CCDC124: variants seen among roughly 807,000 people sequenced by gnomAD.
CCDC124 encodes the protein coiled-coil domain-containing protein 124.
A neutral mutation model predicts 19.8 loss-of-function variants in CCDC124; 9 were observed. The observed-to-expected ratio is 0.45, with a 90% CI of 0.27 to 0.79. CCDC124 has a LOEUF of 0.79. Ranked by LOEUF, CCDC124 falls within the 30% of genes least tolerant of loss-of-function variation. The pLI, the probability that CCDC124 is intolerant of heterozygous loss-of-function variation, is 0.14. For synonymous variants in CCDC124, 126 were observed against 131.3 expected (o/e 0.96, Z 0.27); for missense variants, 285 against 319.0 (o/e 0.89, Z 0.81).
chr19:17,939,031 T>TG (rs2031119264), intron 2 of CCDC124, among the ~76,000 whole-genome samples: 1 of 152,016 alleles, frequency 6.6e-6, no homozygotes, highest in East Asian at 1.9e-4. Context: ...GTTTGGGGGT[T>TG]GGGGGATCAT....
chr19:17,943,954 A>G lies in CCDC124; in HGVS notation c.*239A>G, dbSNP rs2031252715. 1.8e-6 allele frequency: 1 copy of G among 565,714 alleles called. No individual in the cohort carries two copies. The highest frequency in any genetic ancestry group is 3.2e-6 in the Non-Finnish European group (1 of 316,410). The allele number at this position is 565,714 out of a possible 1,614,324, so 35.0% of individuals were successfully genotyped here. A position where few individuals can be genotyped will look rare whatever the true frequency, so the allele number is the denominator to read the frequency against. On this transcript the variant is annotated 3_prime_UTR_variant, in exon 5 of 5. Coordinates refer to ENST00000445755, the MANE Select transcript of CCDC124 (RefSeq NM_001136203.2). ...TGTAGAGCCTCAGGGCTGAGTGCCCAATAAAGGTGGCGGCAAGGCTGCGGT... is the reference window on the plus strand; with the variant it reads ...TGTAGAGCCTCAGGGCTGAGTGCCCGATAAAGGTGGCGGCAAGGCTGCGGT...
intron 2 of CCDC124, among the ~76,000 whole-genome samples, chr19:17,939,267 C>T (rs1460102774): frequency 6.6e-6 from 1 of 151,986 alleles, no homozygotes; most frequent in Admixed American, 6.6e-5. Context: ...TGGTGGCGCG[C>T]ACCTGTAGTC....
At chr19:17,941,561 G>A (rs1327382879) in intron 2 of CCDC124, among the ~76,000 whole-genome samples, 4 of 151,594 alleles carry the variant, frequency 2.6e-5, no homozygotes, top group Non-Finnish European at 4.4e-5. Flanking sequence ...TGTGTGACAC[G>A]CATCGGTCGG....
chr19:17,934,408 T>A (rs187990733), intron 1 of CCDC124, among the ~76,000 whole-genome samples: 8 of 151,338 alleles, frequency 5.3e-5, no homozygotes, highest in Non-Finnish European at 7.4e-5. Flanking sequence ...AGCCCCAACG[T>A]GGAAACAGCC....
rs1455160877 is a variant in CCDC124, at chr19:17,942,943, C to T, written c.349+98C>T. The T allele has an allele frequency of 1.4e-5, 19 of 1,373,282 alleles. No homozygotes were observed. In the South Asian group the frequency reaches 2.3e-4, roughly 16 times the overall value. 85.1% of individuals were successfully genotyped at this position (1,373,282 alleles called of 1,614,324 possible). On this transcript the variant is annotated intron_variant, in intron 3 of 4. Transcript: ENST00000445755. The surrounding 1 kb of genome is among the most constrained non-coding windows in gnomAD (Gnocchi z 4.2). ...CCCTCCTGGCCCCCAGAGAAGCTGC[C>T]GGGGCTCCACGTGGTGCAGGGTGGG... is the stretch of plus-strand genomic sequence containing the variant.
intron 4 of CCDC124, 42 bp downstream of exon 4, chr19:17,943,417 G>C: frequency 7.1e-7 from 1 of 1,415,644 alleles, no homozygotes; most frequent in Non-Finnish European, 9.7e-7. Context: ...GGTGGAGCTG[G>C]TCATCGGGGG....
intron 4 of CCDC124, 52 bp downstream of exon 4, chr19:17,943,427 G>A: frequency 6.5e-7 from 1 of 1,548,964 alleles, no homozygotes; most frequent in Non-Finnish European, 8.7e-7. Context: ...GTCATCGGGG[G>A]CGGGGCTACC....
At chr19:17,943,460 G>C (rs2302174) in intron 4 of CCDC124, 48 bp from the exon 5 acceptor site, 2 of 1,587,896 alleles carry the variant, frequency 1.3e-6, no homozygotes, top group Non-Finnish European at 8.5e-7. Context: ...CGGGCTTTTC[G>C]GGGCAAGGCT....
chr19:17,934,668 AGCTACTTAGGAG>A (rs1345225265), intron 1 of CCDC124, among the ~76,000 whole-genome samples: 1 of 149,020 alleles, frequency 6.7e-6, no homozygotes, highest in African/African-American at 2.5e-5. Context: ...CTATAGTCCC[AGCTACTTAGGAG>A]GCTCAGGTGG....
At chr19:17,936,656 T>C in intron 2 of CCDC124, 77 bp downstream of exon 2, 4 of 1,503,566 alleles carry the variant, frequency 2.7e-6, no homozygotes, top group Non-Finnish European at 3.6e-6. Context: ...TGTGGGTGAA[T>C]AGCGAGAGGG....
intron 2 of CCDC124, among the ~76,000 whole-genome samples, chr19:17,940,478 C>T (rs1466659471): frequency 2.0e-5 from 3 of 152,122 alleles, no homozygotes; most frequent in African/African-American, 4.8e-5. Context: ...TAAAACTTTA[C>T]CAAAGGGGCC....
intron 2 of CCDC124, among the ~76,000 whole-genome samples, chr19:17,939,823 A>G (rs2031138802): frequency 6.6e-6 from 1 of 151,270 alleles, no homozygotes; most frequent in African/African-American, 2.4e-5. Context: ...GGGTTTCACC[A>G]TGTTGGTCAG....
rs760333840 is a variant in CCDC124 at position 17,942,694 on chromosome 19, TAAG to T, written c.202_204del (p.Lys68del). 6 of 1,555,964 alleles carry T rather than the reference TAAG, an allele frequency of 3.9e-6. No homozygotes were observed. Among genetic ancestry groups the T allele is most frequent in the South Asian group, 1.2e-5 (1 of 84,510 alleles). On this transcript the variant is annotated inframe_deletion, in exon 3 of 5. Coordinates refer to ENST00000445755, the MANE Select transcript of CCDC124 (RefSeq NM_001136203.2). This position sits in a 1 kb window ranked among gnomAD's most constrained non-coding sequence, Gnocchi z 4.2. ...AGCGGCGCCTCGACCAGCTGGAACG[TAAG>T]AAGGAGACGCAGCGCCTACTGGAGG...
chr19:17,943,255 G>A lies in CCDC124; in HGVS notation c.350-6G>A. The A allele has an allele frequency of 2.1e-5, 7 of 326,790 alleles. No individual in the cohort carries two copies. Among genetic ancestry groups the A allele is most frequent in the East Asian group, 1.1e-4 (1 of 9,376 alleles). The allele number at this position is 326,790 out of a possible 1,614,324, so 20.2% of individuals were successfully genotyped here. ...CTCTGTCTCTGTCACCCACCCACCC[G>A]CCCAGCCGAGAAAGCCAAGAGCCAT... On this transcript the variant is annotated splice_region_variant and splice_polypyrimidine_tract_variant and intron_variant, in intron 3 of 4. Coordinates refer to ENST00000445755, the MANE Select transcript of CCDC124 (RefSeq NM_001136203.2).
chr19:17,943,241 T>TCGGGGGGGGGGCCCC lies in CCDC124; in HGVS notation c.350-19_350-18insGGGGGGGGGGCCCCC. On this transcript the variant is annotated intron_variant, in intron 3 of 4. Transcript: ENST00000445755. ...CTTTGCTTATCTCTCTCTGTCTCTG[T>TCGGGGGGGGGGCCCC]CACCCACCCACCCGCCCAGCCGAGA... is the stretch of plus-strand genomic sequence containing the variant. 1 of 736,678 alleles carries TCGGGGGGGGGGCCCC rather than the reference T, an allele frequency of 1.4e-6. No homozygotes were observed. The highest frequency in any genetic ancestry group is 2.4e-6 in the Non-Finnish European group (1 of 414,970). The allele number at this position is 736,678 out of a possible 1,614,324, so 45.6% of individuals were successfully genotyped here. A position where few individuals can be genotyped will look rare whatever the true frequency, so the allele number is the denominator to read the frequency against.
At chr19:17,935,315 T>G (rs2031035217) in intron 1 of CCDC124, 1 of 151,798 alleles carries the variant, frequency 6.6e-6, no homozygotes, top group African/African-American at 2.4e-5. Context: ...GAATAGGGAG[T>G]GACTGCTGAT....
At chr19:17,934,885 A>T (rs2031025855) in intron 1 of CCDC124, among the ~76,000 whole-genome samples, 1 of 142,570 alleles carries the variant, frequency 7.0e-6, no homozygotes, top group African/African-American at 2.7e-5. Flanking sequence ...TGTATCATGT[A>T]TGTATTGGTG....
At chr19:17,940,773 C>T (rs560019997) in intron 2 of CCDC124, among the ~76,000 whole-genome samples, 3 of 147,258 alleles carry the variant, frequency 2.0e-5, no homozygotes, top group South Asian at 4.3e-4. Flanking sequence ...AAGGGCCGGG[C>T]GCGGTAACTC....
Position 17,943,611 on chromosome 19 carries a change from A to C in CCDC124, c.568A>C (p.Asn190His). 2 of 1,613,038 alleles carry C rather than the reference A, an allele frequency of 1.2e-6. No homozygotes were observed. The highest frequency in any genetic ancestry group is 1.1e-5 in the South Asian group (1 of 91,080). ...GCCGCGGCTCAAACAAGAGAACCCCAACATGCGGCTGTCGCAGCTGAAACA... is the reference window on the plus strand; with the variant it reads ...GCCGCGGCTCAAACAAGAGAACCCCCACATGCGGCTGTCGCAGCTGAAACA... ...QLPRLKQENP[N>H]MRLSQLKQLL... Residue 190 changes from asparagine (N) to histidine (H), a missense_variant, in exon 5 of 5, where the codon AAC (asparagine) becomes CAC (histidine). By Grantham distance (68) the Asn-to-His change is moderately conservative (BLOSUM62 1). Transcript: ENST00000445755.
Sources: allele counts gnomAD v4.1 joint callset (sites outside exome capture counted in the v4.1 genomes callset), GRCh38; gene constraint gnomAD v4.1.1; non-coding constraint Gnocchi (gnomAD v3.1); transcripts MANE v1.5; gene names NCBI Gene and HGNC (gene_info 2026-07-23, HGNC 2026-07-21).